LY75: variants seen among roughly 807,000 people sequenced by gnomAD.
LY75 encodes lymphocyte antigen 75, also known as C-type lectin domain family 13 member B.
In LY75, 185 loss-of-function variants were observed where a neutral mutation model predicts 231.7. The ratio of observed to expected loss-of-function variants is 0.80; its 90% confidence interval spans 0.71 to 0.90. The LOEUF is 0.90. Ranked by LOEUF, LY75 falls within the 40% of genes least tolerant of loss-of-function variation. The pLI is 0.00. For missense variants in LY75, 1,947 were observed against 2,050.2 expected (o/e 0.95, Z 0.97); for synonymous variants, 668 against 689.0 (o/e 0.97, Z 0.48).
At chr2:159,819,676 T>TA (rs1237007918) in intron 29 of LY75, 50 bp downstream of exon 29, 1 of 1,547,076 alleles carries the variant, frequency 6.5e-7, no homozygotes, top group Non-Finnish European at 8.7e-7. Flanking sequence ...CTAATAGCCT[T>TA]ATATTCTTTC....
chr2:159,881,259 A>T lies in LY75; in HGVS notation c.1247-19T>A. 6.2e-7 allele frequency: 1 copy of T among 1,604,402 alleles called. No homozygotes were observed. Among genetic ancestry groups the T allele is most frequent in the Non-Finnish European group, 8.5e-7 (1 of 1,176,000 alleles). On this transcript the variant is annotated intron_variant, in intron 7 of 34. Transcript: ENST00000263636. ...TTGATATCTAAAAGAAAAATGTATTATTTGTTTGGTTTTGCTCAATTAAAT... is the reference window on the plus strand; with the variant it reads ...TTGATATCTAAAAGAAAAATGTATTTTTTGTTTGGTTTTGCTCAATTAAAT...
At position 159,890,297 on chromosome 2, in the gene LY75, A is replaced by G; in HGVS notation, c.718T>C (p.Trp240Arg). The G allele has an allele frequency of 6.2e-7, 1 of 1,613,550 alleles. No individual in the cohort carries two copies. Among genetic ancestry groups the G allele is most frequent in the South Asian group, 1.1e-5 (1 of 91,080 alleles). Reference sequence around the variant, plus strand: ...TGACATGAAACATAAGCTTCTTTCCAAGAAAGAGCCGTCTGAGTATTAAAT... The same window carrying G: ...TGACATGAAACATAAGCTTCTTTCCGAGAAAGAGCCGTCTGAGTATTAAAT... ...YQFNTQTALSWKEAYVSCQNQ... is the reference protein window; with the variant it reads ...YQFNTQTALSRKEAYVSCQNQ... The change falls in exon 4 of 35, where the codon TGG (tryptophan) becomes CGG (arginine). Residue 240 changes from tryptophan (W) to arginine (R), a missense_variant. Transcript: ENST00000263636.
At chr2:159,832,288 G>A (rs544647836) in intron 27 of LY75, among the ~76,000 whole-genome samples, 55 of 152,282 alleles carry the variant, frequency 3.6e-4, no homozygotes, top group African/African-American at 1.3e-3. Flanking sequence ...GAGCATCACC[G>A]CTTGAGCTCT....
At chr2:159,853,241 A>G in intron 20 of LY75, 32 bp downstream of exon 20, 1 of 1,587,036 alleles carries the variant, frequency 6.3e-7, no homozygotes, top group East Asian at 2.3e-5. Flanking sequence ...ATATTACATA[A>G]TCAGCATTAA....
chr2:159,865,275 A>C (rs553532560), intron 13 of LY75, among the ~76,000 whole-genome samples: 74 of 152,178 alleles, frequency 4.9e-4, no homozygotes, highest in Non-Finnish European at 6.2e-4. Context: ...GTTTGTCTAT[A>C]ACACTATCAA....
intron 33 of LY75, among the ~76,000 whole-genome samples, chr2:159,807,490 C>T (rs1682824472): frequency 6.6e-6 from 1 of 152,230 alleles, no homozygotes; most frequent in South Asian, 2.1e-4. Context: ...TTTCTAAGGA[C>T]CCATATCCTT....
chr2:159,877,733 T>A (rs922776962), intron 11 of LY75, among the ~76,000 whole-genome samples: 11 of 151,706 alleles, frequency 7.3e-5, no homozygotes, highest in African/African-American at 1.5e-4. Context: ...GCTGGGCATG[T>A]TGGCATGCAC....
At chr2:159,904,472 A>C in intron 1 of LY75, 117 bp downstream of exon 1, 1 of 1,178,076 alleles carries the variant, frequency 8.5e-7, no homozygotes, top group Non-Finnish European at 1.1e-6. Context: ...CCCCCGCCCC[A>C]ACAGCAAAGC....
chr2:159,890,468 A>T (rs1685717992), intron 3 of LY75, 91 bp from the exon 4 acceptor site: 5 of 1,567,860 alleles, frequency 3.2e-6, no homozygotes, highest in African/African-American at 2.7e-5. Flanking sequence ...GTCAATTTGC[A>T]TACTCTTAGG....
At position 159,831,716 on chromosome 2, in the gene LY75, G is replaced by T. The variant is rs753754457; in HGVS notation, c.3912C>A (p.Tyr1304Ter). ...TGACCCATGAAGCCATATAATTGAA[G>T]TACAGCAGTTGCTCAAGAACAAAGT... is the stretch of plus-strand genomic sequence containing the variant. The part of the protein sequence containing the change: ...ENNFVLEQLL[Y>*]FNYMASWVML... Residue 1304 changes from tyrosine to a stop codon, truncating the protein, a stop_gained, in exon 28 of 35, where the codon TAC becomes TAA. Transcript: ENST00000263636. LOFTEE classifies it high-confidence loss of function. 3 of 1,612,552 alleles carry T rather than the reference G, an allele frequency of 1.9e-6. No individual in the cohort carries two copies. The highest frequency in any genetic ancestry group is 2.5e-6 in the Non-Finnish European group (3 of 1,179,498).
At chr2:159,872,673 T>C in intron 12 of LY75, 80 bp from the exon 13 acceptor site, 9 of 1,499,288 alleles carry the variant, frequency 6.0e-6, no homozygotes, top group Non-Finnish European at 8.1e-6. Flanking sequence ...TACTGTCACA[T>C]GTGTGGGCCC....
At chr2:159,853,122 T>G (rs538914164) in intron 20 of LY75, 151 bp downstream of exon 20, 80 of 748,056 alleles carry the variant, frequency 1.1e-4, no homozygotes, top group Non-Finnish European at 1.4e-4. Flanking sequence ...TTATTTGCAT[T>G]GGGAATTTGA....
At chr2:159,818,447 A>G (rs1437477337) in intron 29 of LY75, among the ~76,000 whole-genome samples, 1 of 152,230 alleles carries the variant, frequency 6.6e-6, no homozygotes, top group African/African-American at 2.4e-5. Flanking sequence ...CGTTCTACCA[A>G]ATACATGACC....
At chr2:159,869,624 A>C (rs985553259) in intron 13 of LY75, among the ~76,000 whole-genome samples, 8 of 152,210 alleles carry the variant, frequency 5.3e-5, no homozygotes, top group Non-Finnish European at 1.2e-4. Context: ...ACATCCAGTC[A>C]TTGGGTCAGG....
At chr2:159,831,808 A>G (rs1574538839) in intron 27 of LY75, 22 bp from the exon 28 acceptor site, 2 of 1,577,534 alleles carry the variant, frequency 1.3e-6, no homozygotes, top group Middle Eastern at 1.7e-4. Flanking sequence ...AAAATAATCA[A>G]TAATTTTAAC....
At position 159,834,158 on chromosome 2, in the gene LY75, C is replaced by A. The variant is rs1315959750; in HGVS notation, c.3727G>T (p.Val1243Phe). 3.7e-6 allele frequency: 6 copies of A among 1,613,878 alleles called. No individual in the cohort carries two copies. Among genetic ancestry groups the A allele is most frequent in the Non-Finnish European group, 5.1e-6 (6 of 1,179,950 alleles). The change falls in exon 27 of 35, where the codon GTT (valine) becomes TTT (phenylalanine). Residue 1243 changes from valine (V) to phenylalanine (F), a missense_variant. By Grantham distance (50) the Val-to-Phe change is conservative. Transcript: ENST00000263636. ...PVDSVKCPSP[V>F]LNTPWIPFQN... ...AATGGTATCCACGGAGTATTTAGAACAGGAGATGGACATTTAACACTGTCA... is the reference window on the plus strand; with the variant it reads ...AATGGTATCCACGGAGTATTTAGAAAAGGAGATGGACATTTAACACTGTCA...
intron 31 of LY75, among the ~76,000 whole-genome samples, chr2:159,811,805 C>T (rs1682969874): frequency 6.6e-6 from 1 of 152,148 alleles, no homozygotes; most frequent in African/African-American, 2.4e-5. Context: ...CTCCATTCTT[C>T]TCACTAACAC....
intron 24 of LY75, among the ~76,000 whole-genome samples, chr2:159,841,788 A>G (rs554575816): frequency 2.6e-5 from 4 of 152,236 alleles, no homozygotes; most frequent in African/African-American, 9.6e-5. Flanking sequence ...TTCCCATAAT[A>G]AAATGTAAAA....
At chr2:159,837,885 C>T (rs1418089521) in intron 25 of LY75, among the ~76,000 whole-genome samples, 2 of 152,192 alleles carry the variant, frequency 1.3e-5, no homozygotes, top group African/African-American at 2.4e-5. Context: ...CCAATTCTTG[C>T]TGTCCTCCCG....
Sources: gnomAD v4.1 joint callset for allele counts (sites outside exome capture counted in the v4.1 genomes callset) on GRCh38, gnomAD v4.1.1 for gene constraint, MANE v1.5 for transcripts, NCBI Gene and HGNC (gene_info 2026-07-23, HGNC 2026-07-21) for gene names.